The following MMS22L variants were observed in gnomAD, a reference collection of about 807,000 sequenced individuals.
MMS22L encodes protein MMS22-like.
Under a neutral mutation model 159.1 loss-of-function variants are expected in MMS22L, and 74 were observed. The ratio of observed to expected loss-of-function variants is 0.47; its 90% CI spans 0.39 to 0.56. MMS22L has a LOEUF of 0.56. MMS22L is among the 20% of genes least tolerant of loss of function. The pLI is 0.00. For missense variants in MMS22L, 1,351 were observed against 1,422.1 expected, an observed-to-expected ratio of 0.95 and a Z score of 0.80; for synonymous variants, 517 against 506.9, an observed-to-expected ratio of 1.02 and a Z score of -0.27.
chr6:97,243,656 C>T (rs1404583498), intron 11 of MMS22L, among the ~76,000 whole-genome samples: 1 of 151,930 alleles, frequency 6.6e-6, no homozygotes, highest in Non-Finnish European at 1.5e-5. Context: ...GATAAAGAAC[C>T]TTGTTTTGTC....
chr6:97,273,982 T>C (rs1365489656), intron 4 of MMS22L, among the ~76,000 whole-genome samples: 4 of 152,248 alleles, frequency 2.6e-5, no homozygotes, highest in African/African-American at 4.8e-5. Flanking sequence ...TAATAATTTA[T>C]AAAGCTCTGA....
intron 14 of MMS22L, among the ~76,000 whole-genome samples, chr6:97,225,505 C>A (rs1291516560): frequency 6.6e-6 from 1 of 152,028 alleles, no homozygotes; most frequent in Admixed American, 6.6e-5. Flanking sequence ...CACACACCAC[C>A]ATGCCCATAA....
intron 14 of MMS22L, among the ~76,000 whole-genome samples, chr6:97,190,318 GA>G (rs1343889194): frequency 2.0e-5 from 3 of 152,024 alleles, no homozygotes; most frequent in African/African-American, 7.2e-5. Flanking sequence ...TGCATAAAAG[GA>G]AAAATATGTG....
At chr6:97,194,191 G>A (rs779169700) in intron 14 of MMS22L, among the ~76,000 whole-genome samples, 3 of 152,152 alleles carry the variant, frequency 2.0e-5, no homozygotes, top group Non-Finnish European at 2.9e-5. Context: ...CCGAGTAGCT[G>A]GAACTACAGG....
intron 10 of MMS22L, among the ~76,000 whole-genome samples, chr6:97,249,935 G>T (rs943604278): frequency 6.6e-6 from 1 of 151,908 alleles, no homozygotes; most frequent in African/African-American, 2.4e-5. Context: ...TGAATCACAA[G>T]AATTACAGAA....
intron 4 of MMS22L, among the ~76,000 whole-genome samples, chr6:97,275,452 G>A (rs757881114): frequency 6.6e-6 from 1 of 152,174 alleles, no homozygotes; most frequent in Non-Finnish European, 1.5e-5. Context: ...GCTTGAACCA[G>A]GGAGTCAGAG....
chr6:97,254,521 A>T (rs1228797850), intron 10 of MMS22L, 36 bp downstream of exon 10: 1 of 1,543,428 alleles, frequency 6.5e-7, no homozygotes, highest in African/African-American at 1.4e-5. Flanking sequence ...ATATTAATTG[A>T]CAATATAAGA....
At position 97,216,370 on chromosome 6, in the gene MMS22L, T is replaced by C. The variant is rs557098309; in HGVS notation, c.2039+12524A>G. Among the ~76,000 whole-genome samples the C allele has an allele frequency of 1.7e-4, 26 of 152,042 alleles. No homozygotes were observed. The South Asian group carries it at 4.6e-3, about 27-fold the overall frequency. On this transcript the variant is annotated intron_variant, in intron 14 of 24. Transcript: ENST00000683635. ...TTCCTTCCCTCACTGTCATATTACA[T>C]CATTAAAAAAAAAAGTCTGGTAGCT...
In MMS22L at chr6:97,272,826, A is replaced by G; in HGVS notation, c.484T>C (p.Leu162=). The change falls in exon 6 of 25, where the codon TTG becomes CTG. Residue 162 remains leucine, a synonymous_variant. Transcript: ENST00000683635. ...AACACTGAGGGAAGCTGAGCCTCCA[A>G]AGCCTCATAAGGATGGACAGGAACA... ...SHVPVHPYEA[L]EAQLPSVLID... is the part of the protein sequence containing the mutation. The G allele has an allele frequency of 1.2e-6, 2 of 1,614,078 alleles. No homozygotes were observed. Among genetic ancestry groups the G allele is most frequent in the Non-Finnish European group, 1.7e-6 (2 of 1,179,968 alleles).
chr6:97,217,420 A>T (rs1173426253), intron 14 of MMS22L, among the ~76,000 whole-genome samples: 1 of 151,630 alleles, frequency 6.6e-6, no homozygotes, highest in Non-Finnish European at 1.5e-5. Flanking sequence ...CGCCCAGCTA[A>T]TTTTTTGTAT....
chr6:97,210,522 T>C (rs1002479205), intron 14 of MMS22L, among the ~76,000 whole-genome samples: 18 of 151,974 alleles, frequency 1.2e-4, no homozygotes, highest in Non-Finnish European at 1.9e-4. Flanking sequence ...AATACATCTG[T>C]CCAACATGTA....
At chr6:97,223,491 C>G (rs1308281612) in intron 14 of MMS22L, among the ~76,000 whole-genome samples, 1 of 152,068 alleles carries the variant, frequency 6.6e-6, no homozygotes, top group Admixed American at 6.6e-5. Context: ...TAATTTTTAA[C>G]AACTATCCAA....
At chr6:97,234,056 T>C in intron 11 of MMS22L, 76 bp from the exon 12 acceptor site, 3 of 1,459,842 alleles carry the variant, frequency 2.1e-6, no homozygotes, top group South Asian at 2.8e-5. Flanking sequence ...TATTGTGCTG[T>C]ATATAACCTG....
Position 97,163,163 on chromosome 6 carries a change from G to C in MMS22L, c.3222-998C>G, listed in dbSNP as rs563335176. On this transcript the variant is annotated intron_variant, in intron 21 of 24. Transcript: ENST00000683635. ...TAATGCCTAGAACAAACATATATTG[G>C]GCGCCAGTGGAATGCCAGGTACATG... 2.2e-4 allele frequency among the ~76,000 whole-genome samples: 33 copies of C among 151,966 alleles called. 1 individual carries two copies. In the South Asian group the frequency reaches 4.4e-3, roughly 20 times the overall value.
intron 23 of MMS22L, among the ~76,000 whole-genome samples, chr6:97,150,617 T>C (rs1460472484): frequency 3.3e-5 from 5 of 152,200 alleles, no homozygotes; most frequent in African/African-American, 4.8e-5. Context: ...ACATTCAATC[T>C]TTGATCATAG....
intron 11 of MMS22L, among the ~76,000 whole-genome samples, chr6:97,240,477 T>C (rs1811933122): frequency 6.6e-6 from 1 of 152,220 alleles, no homozygotes; most frequent in African/African-American, 2.4e-5. Flanking sequence ...CAGGATAGGA[T>C]GGCTGGTCAC....
At chr6:97,247,001 T>C (rs1237474017) in intron 10 of MMS22L, among the ~76,000 whole-genome samples, 2 of 144,776 alleles carry the variant, frequency 1.4e-5, no homozygotes, top group African/African-American at 5.1e-5. Context: ...AAAAAAAAAT[T>C]ATATAGCCAC....
At chr6:97,160,259 C>T (rs907992495) in intron 22 of MMS22L, among the ~76,000 whole-genome samples, 1 of 151,948 alleles carries the variant, frequency 6.6e-6, no homozygotes. Context: ...GTCTGAAAAA[C>T]TTCCTTTAGC....
intron 14 of MMS22L, among the ~76,000 whole-genome samples, chr6:97,214,503 C>G (rs1808755003): frequency 6.6e-6 from 1 of 151,998 alleles, no homozygotes; most frequent in South Asian, 2.1e-4. Flanking sequence ...AACAAAATAT[C>G]AATAGTAGTT....
Sources: gnomAD v4.1 joint callset for allele counts (sites outside exome capture counted in the v4.1 genomes callset) on GRCh38, gnomAD v4.1.1 for gene constraint, MANE v1.5 for transcripts, NCBI Gene and HGNC (gene_info 2026-07-23, HGNC 2026-07-21) for gene names.